The following MIDEAS variants were observed in gnomAD, a reference collection of about 807,000 sequenced individuals.
MIDEAS encodes the protein mitotic deacetylase associated SANT domain protein.
In MIDEAS, 26 loss-of-function variants were observed where a neutral mutation model predicts 102.7. The observed-to-expected ratio is 0.25, with a 90% CI of 0.19 to 0.35. The LOEUF (loss-of-function observed/expected upper bound fraction) is 0.35, where lower values mean the gene tolerates loss of function less well. Ranked by LOEUF, MIDEAS falls within the 10% of genes least tolerant of loss-of-function variation. MIDEAS has a pLI of 1.00. For synonymous variants in MIDEAS, 585 were observed against 591.0 expected, an observed-to-expected ratio of 0.99 and a Z score of 0.15; for missense variants, 1,231 against 1,435.6, an observed-to-expected ratio of 0.86 and a Z score of 2.30.
chr14:73,755,875 G>A (rs1307557252), intron 1 of MIDEAS, among the ~76,000 whole-genome samples: 2 of 152,196 alleles, frequency 1.3e-5, no homozygotes, highest in Non-Finnish European at 2.9e-5. Flanking sequence ...GGGAACTGGT[G>A]AAATGAGAGT....
intron 4 of MIDEAS, chr14:73,728,767 C>G (rs1260132561): frequency 6.6e-6 from 1 of 152,328 alleles, no homozygotes; most frequent in Non-Finnish European, 1.5e-5. Context: ...GGTAGATACT[C>G]GTGGACAGAC....
Position 73,738,776 on chromosome 14 carries a change from A to G in MIDEAS, c.1233T>C (p.Pro411=). The G allele has an allele frequency of 6.3e-7, 1 of 1,589,874 alleles. No homozygotes were observed. Among genetic ancestry groups the G allele is most frequent in the East Asian group, 2.2e-5 (1 of 44,446 alleles). ...PLELRESQLL[P]DGERLAPNGR... is the part of the protein sequence containing the mutation. ...CATTGGGTGCTAGTCTCTCCCCATCAGGCAGTAGCTGCGACTCCCTCAGCT... is the reference window on the plus strand; with the variant it reads ...CATTGGGTGCTAGTCTCTCCCCATCGGGCAGTAGCTGCGACTCCCTCAGCT... Residue 411 remains proline, a synonymous_variant, in exon 2 of 13, where the codon CCT becomes CCC. Transcript: ENST00000423556.
intron 11 of MIDEAS, 95 bp from the exon 12 acceptor site, chr14:73,719,596 T>G: frequency 7.8e-7 from 1 of 1,279,358 alleles, no homozygotes; most frequent in Non-Finnish European, 1.1e-6. Context: ...AAAAGTCATA[T>G]ATATTCCTGC....
intron 1 of MIDEAS, among the ~76,000 whole-genome samples, chr14:73,743,071 C>A (rs893670110): frequency 4.6e-5 from 7 of 152,192 alleles, no homozygotes; most frequent in African/African-American, 1.7e-4. Context: ...TGTTGCAGAG[C>A]CAAGACTGGA....
At chr14:73,762,598 AGC>A (rs1456320051), upstream of MIDEAS, among the ~76,000 whole-genome samples, 1 of 152,250 alleles carries the variant, frequency 6.6e-6, no homozygotes, top group Non-Finnish European at 1.5e-5. Flanking sequence ...AGAAAGCTGC[AGC>A]GCTTCCGGGA....
rs1011426736 is a variant in MIDEAS, at chr14:73,715,224, T to C, written c.*3619A>G. 6.6e-6 allele frequency: 1 copy of C among 152,634 alleles called. No homozygotes were observed. The highest frequency in any genetic ancestry group is 2.1e-4 in the South Asian group (1 of 4,830). 9.5% of individuals were successfully genotyped at this position (152,634 alleles called of 1,614,324 possible). On this transcript the variant is annotated 3_prime_UTR_variant, in exon 13 of 13. Transcript: ENST00000423556. ...CATTACAATCACATCAGCAAGATTC[T>C]TTAGTGTATTAATTTTTTTCTTATA...
intron 1 of MIDEAS, among the ~76,000 whole-genome samples, chr14:73,753,953 G>T (rs1340047498): frequency 6.6e-6 from 1 of 152,206 alleles, no homozygotes; most frequent in Non-Finnish European, 1.5e-5. Flanking sequence ...TTCACTCTAA[G>T]AAGAGCAATA....
intron 10 of MIDEAS, among the ~76,000 whole-genome samples, chr14:73,721,836 T>G (rs555734509): frequency 4.1e-4 from 63 of 152,276 alleles, no homozygotes; most frequent in Non-Finnish European, 1.3e-4. Context: ...GCAGAAGCCT[T>G]GAGTTCCAAT....
rs922295224 is a variant in MIDEAS, at chr14:73,715,531, A to G, written c.*3312T>C. The G allele has an allele frequency of 6.6e-6, 1 of 152,524 alleles. No homozygotes were observed. The highest frequency in any genetic ancestry group is 1.5e-5 in the Non-Finnish European group (1 of 68,052). The allele number at this position is 152,524 out of a possible 1,614,324, so 9.4% of individuals were successfully genotyped here. A position where few individuals can be genotyped will look rare whatever the true frequency, so the allele number is the denominator to read the frequency against. ...AAAGCCTTCAACTTAGAGACAAATG[A>G]GGAAAAAGTGAAACAGCTGCAAATT... On this transcript the variant is annotated 3_prime_UTR_variant, in exon 13 of 13. Coordinates refer to ENST00000423556, the MANE Select transcript of MIDEAS (RefSeq NM_001367710.1).
At chr14:73,729,319 C>T in intron 4 of MIDEAS, 1 of 260,338 alleles carries the variant, frequency 3.8e-6, no homozygotes, top group Non-Finnish European at 7.3e-6. Context: ...TGAATATTGG[C>T]AGTTTCATCA....
rs1449890743 is a variant in MIDEAS, at chr14:73,739,838, G to A, written c.171C>T (p.Ser57=). 3 of 1,607,976 alleles carry A rather than the reference G, an allele frequency of 1.9e-6. No homozygotes were observed. Among genetic ancestry groups the A allele is most frequent in the Non-Finnish European group, 2.6e-6 (3 of 1,175,976 alleles). ...GGGGCAGTTCCACAGGCTGAGAGGT[G>A]GAGACTGCCCCTCCTGGACCCTCGT... ...LGHEGPGGAV[S]TSQPVELPPP... is the part of the protein sequence containing the mutation. Residue 57 remains serine (S), a synonymous_variant, in exon 2 of 13, where the codon TCC becomes TCT. Coordinates refer to ENST00000423556, the MANE Select transcript of MIDEAS (RefSeq NM_001367710.1).
Position 73,722,647 on chromosome 14 carries a change from G to T in MIDEAS, c.2724+51C>A, listed in dbSNP as rs746947829. ...GGCTCGGGCTCCCAGCTCAGGCCTG[G>T]TCCCAGACCCAGCCCAGGCTCTATG... On this transcript the variant is annotated intron_variant, in intron 10 of 12. Transcript: ENST00000423556. 4 of 1,599,850 alleles carry T rather than the reference G, an allele frequency of 2.5e-6. No individual in the cohort carries two copies. In the South Asian group the frequency reaches 4.5e-5, roughly 18 times the overall value.
Position 73,727,821 on chromosome 14 carries a change from A to G in MIDEAS, c.2096-297T>C, listed in dbSNP as rs150184561. On this transcript the variant is annotated intron_variant, in intron 4 of 12. Transcript: ENST00000423556. ...GCACAGAGCCTGGCACTCGATAAAG[A>G]TTATTATTACTGCTTCTACTACCAA... The G allele has an allele frequency of 9.3e-4, 309 of 330,698 alleles. 1 individual carries two copies. The highest frequency in any genetic ancestry group is 6.2e-3 in the African/African-American group (288 of 46,136). 20.5% of individuals were successfully genotyped at this position (330,698 alleles called of 1,614,324 possible). A position where few individuals can be genotyped will look rare whatever the true frequency, so the allele number is the denominator to read the frequency against.
chr14:73,762,568 G>A (rs184270997), upstream of MIDEAS, among the ~76,000 whole-genome samples: 8 of 152,330 alleles, frequency 5.3e-5, no homozygotes, highest in East Asian at 1.9e-4. Flanking sequence ...TCAAAAAGGC[G>A]GGCAGATGAG....
chr14:73,780,681 C>T (rs1463425771), intron 1 of MIDEAS, among the ~76,000 whole-genome samples: 1 of 152,188 alleles, frequency 6.6e-6, no homozygotes, highest in Non-Finnish European at 1.5e-5. Context: ...TGCCTGTGTT[C>T]CTGGGCCTTC....
At chr14:73,727,185 G>A in intron 5 of MIDEAS, 1 of 653,758 alleles carries the variant, frequency 1.5e-6, no homozygotes, top group South Asian at 2.0e-5. Context: ...AGAAGCAGCT[G>A]CAGGTTTACA....
At position 73,780,129 on chromosome 14, in the gene MIDEAS, C is replaced by T. The variant is rs190195207; in HGVS notation, c.-248+6973G>A. 8.9e-3 allele frequency among the ~76,000 whole-genome samples: 1,354 copies of T among 151,834 alleles called. 36 individuals carry two copies. Among genetic ancestry groups the T allele is most frequent in the Admixed American group, 0.048 (733 of 15,220 alleles). ...GACCTCATGATCCACCAGCCTCGGC[C>T]TCCCAAAGTGCTGCGATTACAGGCG... On this transcript the variant is annotated intron_variant, in intron 1 of 11. Coordinates refer to the MIDEAS transcript ENST00000394071.
At chr14:73,781,689 G>C (rs1454104032) in intron 1 of MIDEAS, among the ~76,000 whole-genome samples, 1 of 128,582 alleles carries the variant, frequency 7.8e-6, no homozygotes, top group African/African-American at 3.1e-5. Context: ...AGCCAAGATC[G>C]TGCCATTGCA....
intron 2 of MIDEAS, 123 bp downstream of exon 2, chr14:73,738,437 T>C (rs1479184912): frequency 3.3e-6 from 4 of 1,224,822 alleles, no homozygotes; most frequent in African/African-American, 1.6e-5. Context: ...TGTACTGTTT[T>C]CCCACAGGCA....
Sources: gnomAD v4.1 joint callset for allele counts (sites outside exome capture counted in the v4.1 genomes callset) on GRCh38, gnomAD v4.1.1 for gene constraint, MANE v1.5 for transcripts, NCBI Gene and HGNC (gene_info 2026-07-23, HGNC 2026-07-21) for gene names.